Variants in GATAD1 observed in about 807,000 individuals in gnomAD.
GATAD1 encodes the protein GATA zinc finger domain-containing protein 1.
GATAD1 carries 12 observed loss-of-function variants against 26.5 expected under a neutral mutation model. The ratio of observed to expected loss-of-function variants is 0.45; its 90% confidence interval spans 0.29 to 0.73. The LOEUF (loss-of-function observed/expected upper bound fraction) is 0.73. GATAD1 is among the 30% of genes least tolerant of loss of function. GATAD1 has a pLI of 0.10. For missense variants in GATAD1, 266 were observed against 342.1 expected (o/e 0.78, Z 1.75); for synonymous variants, 129 against 133.1 (o/e 0.97, Z 0.21).
At chr7:92,471,277 T>C in the GATAD1 span, 9 of 166,344 alleles carry the variant, frequency 5.4e-5, no homozygotes. Context: ...TTCTTTGTTC[T>C]CCTGAAGGAG....
the GATAD1 span, chr7:92,470,329 G>A: frequency 1.3e-6 from 1 of 761,378 alleles, no homozygotes; most frequent in South Asian, 1.4e-5. Context: ...TGCAGTGAGA[G>A]TGAAAGAGGG....
At chr7:92,450,889 CT>C in intron 3 of GATAD1, 129 bp downstream of exon 3, 1 of 586,582 alleles carries the variant, frequency 1.7e-6, no homozygotes, top group Admixed American at 3.3e-5. Context: ...TTTTTGTTCC[CT>C]TCTTAGCTGT....
intron 2 of GATAD1, chr7:92,450,337 T>TC (rs1286312786): frequency 5.4e-6 from 1 of 184,962 alleles, no homozygotes; most frequent in African/African-American, 2.4e-5. Flanking sequence ...CACTTTGTAT[T>TC]CATCTGTACA....
At position 92,459,532 on chromosome 7, in the gene GATAD1, TCC is replaced by T. The variant is rs1297261255; in HGVS notation, c.*2973_*2974del. ...GTTTCCTCATTACCACTAAAATCTT[TCC>T]CCTGTATGCCCGCCCAATTTTTCTG... On this transcript the variant is annotated 3_prime_UTR_variant, in exon 5 of 5. Transcript: ENST00000287957. 6.6e-6 allele frequency: 1 copy of T among 152,218 alleles called. No individual in the cohort carries two copies. Among genetic ancestry groups the T allele is most frequent in the African/African-American group, 2.4e-5 (1 of 41,428 alleles). The allele number at this position is 152,218 out of a possible 1,614,324, so 9.4% of individuals were successfully genotyped here. A position where few individuals can be genotyped will look rare whatever the true frequency, so the allele number is the denominator to read the frequency against.
downstream of GATAD1, among the ~76,000 whole-genome samples, chr7:92,463,370 G>A (rs75162269): frequency 0.025 from 3,861 of 152,234 alleles, 56 homozygotes; most frequent in Middle Eastern, 0.075. Context: ...GTTAATACTG[G>A]GCTGGCGCAG....
the GATAD1 span, chr7:92,469,793 A>G: frequency 9.1e-6 from 7 of 765,764 alleles, no homozygotes; most frequent in Non-Finnish European, 1.7e-5. Flanking sequence ...ATTGAAACAT[A>G]TGGCCTGAAG....
At chr7:92,449,153 C>A in intron 2 of GATAD1, 1 of 1,106,750 alleles carries the variant, frequency 9.0e-7, no homozygotes, top group Non-Finnish European at 1.1e-6. Flanking sequence ...AACCTTGAGC[C>A]CATTTTTTGG....
rs145306938 is a variant in GATAD1 at position 92,456,522 on chromosome 7, C to T, written c.770C>T (p.Pro257Leu). 7.0e-5 allele frequency: 113 copies of T among 1,612,712 alleles called. 1 individual carries two copies. Among genetic ancestry groups the T allele is most frequent in the Non-Finnish European group, 9.2e-5 (108 of 1,179,354 alleles). Residue 257 changes from proline (P) to leucine (L), a missense_variant, in exon 5 of 5, where the codon CCT (proline) becomes CTT (leucine). Physicochemically the swap from Pro to Leu is moderately conservative, Grantham distance 98. Coordinates refer to ENST00000287957, the MANE Select transcript of GATAD1 (RefSeq NM_021167.5). ...ATATGGACTCATGTTGGGCCTACTC[C>T]TGCAATAACAATTAAGGAATCAGTT... ...GYIWTHVGPT[P>L]AITIKESVAN...
Sources: gnomAD v4.1 joint callset for allele counts (sites outside exome capture counted in the v4.1 genomes callset) on GRCh38, gnomAD v4.1.1 for gene constraint, MANE v1.5 for transcripts, NCBI Gene and HGNC (gene_info 2026-07-23, HGNC 2026-07-21) for gene names.